Variants in PDE4B observed in about 807,000 individuals in gnomAD.
The protein encoded by PDE4B is 3',5'-cyclic-AMP phosphodiesterase 4B.
PDE4B carries 20 observed loss-of-function variants against 82.2 expected under a neutral mutation model. The observed-to-expected ratio is 0.24, with a 90% CI of 0.17 to 0.35. The LOEUF (loss-of-function observed/expected upper bound fraction) is 0.35, where lower values mean the gene tolerates loss of function less well. PDE4B is among the 10% of genes least tolerant of loss of function. PDE4B has a pLI of 1.00. For missense variants in PDE4B, 655 were observed against 907.2 expected, an observed-to-expected ratio of 0.72 and a Z score of 3.57; for synonymous variants, 320 against 318.9, an observed-to-expected ratio of 1.00 and a Z score of -0.04.
chr1:66,066,768 G>A (rs1655870835), intron 3 of PDE4B, among the ~76,000 whole-genome samples: 1 of 151,910 alleles, frequency 6.6e-6, no homozygotes. Context: ...TATTATTTAA[G>A]AATGTTGGCT....
chr1:65,896,005 A>G (rs983049659), intron 1 of PDE4B, among the ~76,000 whole-genome samples: 1 of 150,756 alleles, frequency 6.6e-6, no homozygotes, highest in African/African-American at 2.4e-5. Context: ...TAAGAAGTGA[A>G]TAGGAAGATT....
intron 1 of PDE4B, among the ~76,000 whole-genome samples, chr1:65,868,474 C>T (rs569449982): frequency 2.6e-5 from 4 of 152,256 alleles, no homozygotes; most frequent in Admixed American, 6.5e-5. Flanking sequence ...GTTGAGTTGA[C>T]GTTTTATTTC....
chr1:65,822,057 T>C (rs887666186), intron 1 of PDE4B, among the ~76,000 whole-genome samples: 1 of 152,240 alleles, frequency 6.6e-6, no homozygotes, highest in Admixed American at 6.5e-5. Flanking sequence ...ATATTGTATT[T>C]ATTTTTCCCT....
At chr1:65,838,598 T>C (rs376448036) in intron 1 of PDE4B, among the ~76,000 whole-genome samples, 21 of 148,528 alleles carry the variant, frequency 1.4e-4, no homozygotes, top group African/African-American at 4.4e-4. Flanking sequence ...TATGTATATG[T>C]ATCTATATGT....
At chr1:66,103,243 C>A (rs376041576) in intron 3 of PDE4B, among the ~76,000 whole-genome samples, 5 of 151,428 alleles carry the variant, frequency 3.3e-5, no homozygotes, top group African/African-American at 1.2e-4. Context: ...TCCTGCCTCA[C>A]GCAAATTTAT....
intron 3 of PDE4B, among the ~76,000 whole-genome samples, chr1:66,102,963 AAATT>A (rs1277977097): frequency 2.6e-5 from 4 of 152,110 alleles, no homozygotes; most frequent in Admixed American, 6.6e-5. Context: ...ACTTCTAAGG[AAATT>A]AATTATATAA....
chr1:65,958,135 A>G lies in PDE4B; in HGVS notation c.281+39300A>G, dbSNP rs141174572. Among the ~76,000 whole-genome samples, 47 of 152,162 alleles carry G rather than the reference A, an allele frequency of 3.1e-4. 1 individual carries two copies. The highest frequency in any genetic ancestry group is 1.1e-3 in the African/African-American group (44 of 41,540). ...TGTAGGCTTTTTATAGATGCATTTGATTAGGTTATGGGCGCTTTTTGCGTT... is the reference window on the plus strand; with the variant it reads ...TGTAGGCTTTTTATAGATGCATTTGGTTAGGTTATGGGCGCTTTTTGCGTT... On this transcript the variant is annotated intron_variant, in intron 3 of 16. Transcript: ENST00000341517.
intron 3 of PDE4B, among the ~76,000 whole-genome samples, chr1:66,174,215 C>T (rs1001391398): frequency 2.3e-4 from 35 of 152,140 alleles, no homozygotes; most frequent in Non-Finnish European, 4.4e-5. Context: ...TATAGGTTAA[C>T]GATCACTTAA....
At chr1:66,282,268 G>A (rs1429691235) in intron 7 of PDE4B, among the ~76,000 whole-genome samples, 4 of 152,188 alleles carry the variant, frequency 2.6e-5, no homozygotes, top group Non-Finnish European at 5.9e-5. Context: ...TAGGGAGGTG[G>A]CAGTGTCTTC....
intron 3 of PDE4B, among the ~76,000 whole-genome samples, chr1:65,984,847 C>G (rs905638304): frequency 6.6e-6 from 1 of 152,080 alleles, no homozygotes; most frequent in Non-Finnish European, 1.5e-5. Context: ...TGTCTCAAGC[C>G]TTTGATTTTA....
At chr1:65,927,013 C>A (rs1400931803) in intron 3 of PDE4B, among the ~76,000 whole-genome samples, 3 of 151,930 alleles carry the variant, frequency 2.0e-5, no homozygotes, top group Admixed American at 6.6e-5. Context: ...TTATAACCAG[C>A]AAAATTATCC....
At chr1:66,276,392 C>T (rs1655881845) in intron 7 of PDE4B, among the ~76,000 whole-genome samples, 1 of 152,216 alleles carries the variant, frequency 6.6e-6, no homozygotes, top group Non-Finnish European at 1.5e-5. Context: ...CATGCTCTTT[C>T]CTCTGCAGTC....
At chr1:66,006,675 A>G (rs1210693535) in intron 3 of PDE4B, among the ~76,000 whole-genome samples, 2 of 152,070 alleles carry the variant, frequency 1.3e-5, no homozygotes, top group Non-Finnish European at 2.9e-5. Context: ...TGAATCATGG[A>G]GGAGGTTCCC....
intron 3 of PDE4B, among the ~76,000 whole-genome samples, chr1:65,928,252 G>T (rs1007629383): frequency 6.6e-6 from 1 of 152,186 alleles, no homozygotes; most frequent in Non-Finnish European, 1.5e-5. Context: ...TCTGGAAATC[G>T]ATTGAGGGGC....
intron 7 of PDE4B, among the ~76,000 whole-genome samples, chr1:66,282,167 T>G (rs1350179169): frequency 6.6e-6 from 1 of 152,152 alleles, no homozygotes; most frequent in Admixed American, 6.5e-5. Flanking sequence ...TTTAATCTGT[T>G]TTTTTTTCCT....
At chr1:66,033,722 A>G (rs973616778) in intron 3 of PDE4B, among the ~76,000 whole-genome samples, 5 of 151,604 alleles carry the variant, frequency 3.3e-5, no homozygotes, top group Non-Finnish European at 7.4e-5. Context: ...TTGAAAAAAA[A>G]AAAAATGAGA....
rs556443993 is a variant in PDE4B at position 66,264,910 on chromosome 1, C to G, written c.585-1128C>G. On this transcript the variant is annotated intron_variant, in intron 6 of 16. Coordinates refer to ENST00000341517, the MANE Select transcript of PDE4B (RefSeq NM_002600.4). ...ATTCCCAGGCCTCATCTCGGATATA[C>G]TGAAATAGACTCTTCAGGGTTGGAA... Among the ~76,000 whole-genome samples the G allele has an allele frequency of 2.6e-5, 4 of 152,328 alleles. No homozygotes were observed. The South Asian group carries it at 8.3e-4, about 32-fold the overall frequency.
intron 3 of PDE4B, among the ~76,000 whole-genome samples, chr1:65,955,287 A>G (rs1182796644): frequency 6.6e-6 from 1 of 152,146 alleles, no homozygotes; most frequent in Non-Finnish European, 1.5e-5. Context: ...TGTTCTGAGG[A>G]CTGGGAAGAG....
chr1:66,322,823 GT>G (rs1332059641), intron 7 of PDE4B, among the ~76,000 whole-genome samples: 2 of 151,962 alleles, frequency 1.3e-5, no homozygotes, highest in Admixed American at 6.6e-5. Flanking sequence ...TGTTTTATGT[GT>G]TTTGGTATGG....
Sources: gnomAD v4.1 joint callset for allele counts (sites outside exome capture counted in the v4.1 genomes callset) on GRCh38, gnomAD v4.1.1 for gene constraint, MANE v1.5 for transcripts, NCBI Gene and HGNC (gene_info 2026-07-23, HGNC 2026-07-21) for gene names.